The following LCT variants were observed in gnomAD, a reference collection of about 807,000 sequenced individuals.
The protein encoded by LCT is lactase, also known as lactase/phlorizin hydrolase.
Under a neutral mutation model 173.0 loss-of-function variants are expected in LCT, and 90 were observed. The observed-to-expected ratio is 0.52, with a 90% CI of 0.44 to 0.62. LCT has a LOEUF of 0.62. Ranked by LOEUF, LCT falls within the 20% of genes least tolerant of loss-of-function variation. The pLI, the probability that LCT is intolerant of heterozygous loss-of-function variation, is 0.00. For synonymous variants in LCT, 853 were observed against 957.6 expected (o/e 0.89, Z 2.02); for missense variants, 1,864 against 2,431.4 (o/e 0.77, Z 4.91).
At chr2:135,830,609 G>A (rs1195143438) in intron 2 of LCT, among the ~76,000 whole-genome samples, 5 of 152,162 alleles carry the variant, frequency 3.3e-5, no homozygotes, top group Non-Finnish European at 5.9e-5. Flanking sequence ...CAAGGTCTTC[G>A]CTAAGGTCTG....
chr2:135,824,033 T>G, intron 3 of LCT, 30 bp from the exon 4 acceptor site: 1 of 1,393,194 alleles, frequency 7.2e-7, no homozygotes, highest in Non-Finnish European at 1.0e-6. Context: ...GCAAGTGAAC[T>G]GAAGCCTCCT....
chr2:135,830,818 TG>T (rs1370343797), intron 2 of LCT, among the ~76,000 whole-genome samples: 1 of 152,240 alleles, frequency 6.6e-6, no homozygotes, highest in East Asian at 1.9e-4. Flanking sequence ...ACATCGTCAC[TG>T]AGTTCCTACC....
intron 12 of LCT, among the ~76,000 whole-genome samples, chr2:135,798,783 T>G (rs900710121): frequency 6.6e-6 from 1 of 152,128 alleles, no homozygotes; most frequent in South Asian, 2.1e-4. Context: ...CCTCACCCAC[T>G]GGCTGCTGCT....
chr2:135,829,355 G>A (rs955841240), intron 3 of LCT, among the ~76,000 whole-genome samples: 2 of 152,070 alleles, frequency 1.3e-5, no homozygotes, highest in African/African-American at 4.8e-5. Flanking sequence ...AGCAAGCAGA[G>A]GATCTATGTA....
At chr2:135,817,247 AG>A in intron 6 of LCT, 93 bp downstream of exon 6, 1 of 1,418,500 alleles carries the variant, frequency 7.0e-7, no homozygotes, top group African/African-American at 1.4e-5. Context: ...CAAAAAGTAA[AG>A]GCTTGCTGAT....
chr2:135,813,238 C>T (rs575712683), intron 6 of LCT, among the ~76,000 whole-genome samples: 2 of 149,138 alleles, frequency 1.3e-5, no homozygotes, highest in Non-Finnish European at 2.9e-5. Flanking sequence ...ACAATGTCAA[C>T]AAGTCAACAA....
chr2:135,805,072 A>G lies in LCT; in HGVS notation c.4174-15T>C. ...GCACCTTCAATCTCAAGATGACAAG[A>G]CATGGTCTTATTAAGTCATTCAGTC... On this transcript the variant is annotated splice_polypyrimidine_tract_variant and intron_variant, in intron 9 of 16. Coordinates refer to ENST00000264162, the MANE Select transcript of LCT (RefSeq NM_002299.4). 6.2e-7 allele frequency: 1 copy of G among 1,613,726 alleles called. No individual in the cohort carries two copies. The highest frequency in any genetic ancestry group is 1.1e-5 in the South Asian group (1 of 91,068).
At chr2:135,823,726 G>A (rs2077857139) in intron 4 of LCT, among the ~76,000 whole-genome samples, 175 bp downstream of exon 4, 1 of 152,204 alleles carries the variant, frequency 6.6e-6, no homozygotes, top group South Asian at 2.1e-4. Flanking sequence ...GGGGATGGTT[G>A]CAAGGGACCA....
intron 14 of LCT, among the ~76,000 whole-genome samples, chr2:135,792,326 G>C (rs191449774): frequency 5.3e-5 from 8 of 152,310 alleles, no homozygotes; most frequent in African/African-American, 1.9e-4. Context: ...AATTAGGGAG[G>C]GGCAGGATTA....
At chr2:135,826,452 G>C (rs2077890048) in intron 3 of LCT, among the ~76,000 whole-genome samples, 1 of 150,800 alleles carries the variant, frequency 6.6e-6, no homozygotes, top group African/African-American at 2.4e-5. Context: ...TGTAGTCCCA[G>C]CTACTTGGGA....
chr2:135,795,059 A>T (rs7565053), intron 13 of LCT, among the ~76,000 whole-genome samples: 20,025 of 152,128 alleles, frequency 0.13, 1,618 homozygotes, highest in South Asian at 0.29. Flanking sequence ...ACACACACAC[A>T]CACACACACA....
intron 6 of LCT, among the ~76,000 whole-genome samples, chr2:135,815,759 G>A (rs1361380610): frequency 6.6e-6 from 1 of 152,050 alleles, no homozygotes; most frequent in Non-Finnish European, 1.5e-5. Context: ...GAGTGCAGTG[G>A]CATAATCTCG....
At chr2:135,811,179 G>A (rs1235489193) in intron 7 of LCT, among the ~76,000 whole-genome samples, 1 of 152,010 alleles carries the variant, frequency 6.6e-6, no homozygotes, top group Non-Finnish European at 1.5e-5. Flanking sequence ...GTACTCCTCA[G>A]AGCAAGACCC....
chr2:135,800,677 C>A lies in LCT; in HGVS notation c.4796G>T (p.Ser1599Ile). The A allele has an allele frequency of 6.2e-7, 1 of 1,613,672 alleles. No homozygotes were observed. Among genetic ancestry groups the A allele is most frequent in the Non-Finnish European group, 8.5e-7 (1 of 1,180,028 alleles). The stretch of plus-strand genomic sequence containing the variant: ...ATCTCTGGGTTCAGCCCAGTCACTG[C>A]TGATGGTGATGGAAATCACGCCACC... ...SQGGVISITI[S>I]SDWAEPRDPS... Residue 1599 changes from serine (S) to isoleucine (I), a missense_variant, in exon 12 of 17, where the codon AGC becomes ATC. Physicochemically the swap from Ser to Ile is moderately radical, Grantham distance 142 (BLOSUM62 -2). Transcript: ENST00000264162.
chr2:135,788,319 ACT>A lies in LCT; in HGVS notation c.*3_*4del, dbSNP rs1236472175. The A allele has an allele frequency of 1.2e-6, 2 of 1,605,076 alleles. No homozygotes were observed. Among genetic ancestry groups the A allele is most frequent in the African/African-American group, 2.7e-5 (2 of 74,730 alleles). On this transcript the variant is annotated 3_prime_UTR_variant, in exon 17 of 17. Coordinates refer to ENST00000264162, the MANE Select transcript of LCT (RefSeq NM_002299.4). ...CTGCTTCATAGAACTTGAGGTGGTA[ACT>A]CATCAGAATGAAGACACCGGGCTCA... is the stretch of plus-strand genomic sequence containing the variant.
At chr2:135,791,825 G>C (rs2077535108) in intron 14 of LCT, among the ~76,000 whole-genome samples, 1 of 152,220 alleles carries the variant, frequency 6.6e-6, no homozygotes, top group Admixed American at 6.5e-5. Flanking sequence ...AGAGCTACTG[G>C]TGTGGAAAGA....
At chr2:135,820,331 A>G (rs1023177093) in intron 5 of LCT, 2 of 152,168 alleles carry the variant, frequency 1.3e-5, no homozygotes, top group African/African-American at 4.8e-5. Flanking sequence ...CAGGGAACCC[A>G]TTTTATTACG....
intron 7 of LCT, chr2:135,810,209 T>G (rs2077723312): frequency 1.7e-5 from 9 of 540,594 alleles, no homozygotes; most frequent in Middle Eastern, 4.9e-4. Context: ...GGGAGAAGGG[T>G]ATTAGAAGCT....
Position 135,829,584 on chromosome 2 carries a change from T to C in LCT, c.804+9A>G. On this transcript the variant is annotated intron_variant, in intron 3 of 16. Coordinates refer to ENST00000264162, the MANE Select transcript of LCT (RefSeq NM_002299.4). ...ATTCATCATTAATGTGGAAAAGGGC[T>C]CAAATTACCTGCAATTTACTCAGCT... is the stretch of plus-strand genomic sequence containing the variant. 1 of 1,605,064 alleles carries C rather than the reference T, an allele frequency of 6.2e-7. No homozygotes were observed.
Sources: gnomAD v4.1 joint callset for allele counts (sites outside exome capture counted in the v4.1 genomes callset) on GRCh38, gnomAD v4.1.1 for gene constraint, MANE v1.5 for transcripts, NCBI Gene and HGNC (gene_info 2026-07-23, HGNC 2026-07-21) for gene names.